The following MRPS6 variants were observed in gnomAD, a reference collection of about 807,000 sequenced individuals.
MRPS6 encodes small ribosomal subunit protein bS6m.
MRPS6 carries 6 observed loss-of-function variants against 13.1 expected under a neutral mutation model. That is an observed-to-expected ratio of 0.46 (90% CI 0.25 to 0.91). The LOEUF is 0.91. Among genes scored for constraint, MRPS6 ranks in the 40% least tolerant of loss-of-function variants. The probability of loss-of-function intolerance (pLI) is 0.18; values close to 1 mark genes in which losing one functional copy is unlikely to be tolerated. For missense variants in MRPS6, 164 were observed against 155.6 expected (o/e 1.05, Z -0.29); for synonymous variants, 61 against 56.5 (o/e 1.08, Z -0.36).
intron 1 of MRPS6, chr21:34,095,038 C>A: frequency 1.2e-6 from 1 of 823,270 alleles, no homozygotes; most frequent in Non-Finnish European, 1.8e-6. Flanking sequence ...ACAACCACCA[C>A]CATCAAGACA....
At chr21:34,074,469 A>C (rs1989274843) in intron 1 of MRPS6, among the ~76,000 whole-genome samples, 1 of 152,086 alleles carries the variant, frequency 6.6e-6, no homozygotes, top group Non-Finnish European at 1.5e-5. Context: ...CTTTTGATTG[A>C]TCTTGAGGTA....
In MRPS6 at chr21:34,096,320, T is replaced by A. The variant is rs1398467557; in HGVS notation, c.45+22575T>A. On this transcript the variant is annotated intron_variant, in intron 1 of 2. Transcript: ENST00000399312. The surrounding 1 kb of genome is among the most constrained non-coding windows in gnomAD (Gnocchi z 5.9). ...TAATGATGGCAGTGATGATTGCAGCTCTGATGAGTGACTTAGACTCTATCT... is the reference window on the plus strand; with the variant it reads ...TAATGATGGCAGTGATGATTGCAGCACTGATGAGTGACTTAGACTCTATCT... The A allele has an allele frequency of 2.5e-6, 4 of 1,614,142 alleles. No homozygotes were observed.
chr21:34,076,044 C>T (rs1989322483), intron 1 of MRPS6, among the ~76,000 whole-genome samples: 1 of 152,166 alleles, frequency 6.6e-6, no homozygotes, highest in Admixed American at 6.5e-5. Context: ...AAGTGTATAC[C>T]TCTTTACCCC....
chr21:34,087,467 A>C (rs919073522), intron 1 of MRPS6, among the ~76,000 whole-genome samples: 1 of 152,240 alleles, frequency 6.6e-6, no homozygotes. Context: ...ACAACACAGA[A>C]AATTCTACCC....
chr21:34,115,595 A>G (rs1294471288), intron 1 of MRPS6, among the ~76,000 whole-genome samples: 3 of 152,188 alleles, frequency 2.0e-5, no homozygotes, highest in Admixed American at 6.5e-5. Flanking sequence ...GATTATTACT[A>G]TATTGTTAAA....
At chr21:34,099,744 G>T (rs551601819) in intron 1 of MRPS6, 2 of 987,314 alleles carry the variant, frequency 2.0e-6, no homozygotes, top group East Asian at 1.1e-4. Flanking sequence ...AGTAGGTCAA[G>T]TTTAGAGTAC....
chr21:34,104,384 G>T, intron 1 of MRPS6: 2 of 1,000,092 alleles, frequency 2.0e-6, no homozygotes, highest in Non-Finnish European at 2.4e-6. Context: ...CTTCACCTCC[G>T]AGTAGCTTGT....
chr21:34,089,486 T>TA (rs1978570454), intron 1 of MRPS6, among the ~76,000 whole-genome samples: 2 of 152,172 alleles, frequency 1.3e-5, no homozygotes, highest in South Asian at 2.1e-4. Flanking sequence ...GAGATTTCTA[T>TA]AAAAAAATTC....
chr21:34,130,758 A>C (rs1248149692), intron 2 of MRPS6, among the ~76,000 whole-genome samples: 1 of 151,664 alleles, frequency 6.6e-6, no homozygotes, highest in Admixed American at 6.6e-5. Context: ...TTTCTTGGTT[A>C]CTTCTTGCCT....
intron 2 of MRPS6, among the ~76,000 whole-genome samples, chr21:34,139,421 G>A (rs895031477): frequency 6.6e-6 from 1 of 152,094 alleles, no homozygotes; most frequent in African/African-American, 2.4e-5. Context: ...TTTGTGGGAA[G>A]CTTTTAAACT....
intron 1 of MRPS6, among the ~76,000 whole-genome samples, 189 bp downstream of exon 1, chr21:34,073,934 C>T (rs1312425131): frequency 1.4e-5 from 2 of 144,938 alleles, no homozygotes; most frequent in African/African-American, 4.9e-5. Context: ...GGCCCGGCCG[C>T]GTGCGCGCGG....
chr21:34,090,972 T>A (rs1439002210), intron 1 of MRPS6, among the ~76,000 whole-genome samples: 3 of 152,184 alleles, frequency 2.0e-5, no homozygotes, highest in Non-Finnish European at 4.4e-5. Context: ...CAAGCTTGGG[T>A]ATGCCCATGT....
chr21:34,097,420 T>C (rs1440256814), intron 1 of MRPS6: 45 of 1,356,822 alleles, frequency 3.3e-5, no homozygotes, highest in Middle Eastern at 2.3e-4. Flanking sequence ...AAAAAAGTTA[T>C]GTAACTGTGC....
chr21:34,127,710 A>G (rs557758335), intron 2 of MRPS6, among the ~76,000 whole-genome samples: 3 of 152,232 alleles, frequency 2.0e-5, no homozygotes, highest in Non-Finnish European at 4.4e-5. Context: ...CAGTGGCCCC[A>G]TAATCACTAA....
At chr21:34,112,565 A>G (rs894110439) in intron 1 of MRPS6, among the ~76,000 whole-genome samples, 4 of 151,940 alleles carry the variant, frequency 2.6e-5, no homozygotes, top group Admixed American at 2.6e-4. Flanking sequence ...TCACTCCCCA[A>G]TTCTCCCTCC....
chr21:34,132,327 T>A (rs1980532147), intron 2 of MRPS6, among the ~76,000 whole-genome samples: 1 of 152,148 alleles, frequency 6.6e-6, no homozygotes, highest in Admixed American at 6.5e-5. Context: ...TAGGGAGCCA[T>A]GGGAGTGGAA....
Position 34,142,540 on chromosome 21 carries a change from AGGGATT to A in MRPS6, c.320_325del (p.Gly107_Ile108del). On this transcript the variant is annotated inframe_deletion, in exon 3 of 3. Coordinates refer to ENST00000399312, the MANE Select transcript of MRPS6 (RefSeq NM_032476.4). Reference sequence around the variant, plus strand: ...TGACCCAGGAACTAAAAGAATGTGAAGGGATTGTCCCAGTCCCACTCGCAGAAAAAT... The same window carrying A: ...TGACCCAGGAACTAAAAGAATGTGAAGTCCCAGTCCCACTCGCAGAAAAAT... 6.2e-7 allele frequency: 1 copy of A among 1,613,592 alleles called. No individual in the cohort carries two copies. Among genetic ancestry groups the A allele is most frequent in the South Asian group, 1.1e-5 (1 of 90,874 alleles).
chr21:34,095,834 A>G, intron 1 of MRPS6: 2 of 1,614,038 alleles, frequency 1.2e-6, no homozygotes, highest in Non-Finnish European at 1.7e-6. Context: ...GGTTTGAGGA[A>G]GTTAAGAGAA....
chr21:34,101,412 C>T, intron 1 of MRPS6: 3 of 1,000,110 alleles, frequency 3.0e-6, no homozygotes, highest in Non-Finnish European at 3.6e-6. Context: ...TGCTTTGAGG[C>T]TTCAGTATTT....
Sources: gnomAD v4.1 joint callset for allele counts (sites outside exome capture counted in the v4.1 genomes callset) on GRCh38, gnomAD v4.1.1 for gene constraint, Gnocchi (gnomAD v3.1) non-coding constraint, MANE v1.5 for transcripts, NCBI Gene and HGNC (gene_info 2026-07-23, HGNC 2026-07-21) for gene names.